Variants in RABGAP1 observed in about 807,000 individuals in gnomAD.
RABGAP1 encodes the protein RAB GTPase activating protein 1, also known as rab GTPase-activating protein 1.
A neutral mutation model predicts 137.6 loss-of-function variants in RABGAP1; 23 were observed. The observed-to-expected ratio is 0.17, with a 90% confidence interval of 0.12 to 0.24. RABGAP1 has a LOEUF of 0.24. Among genes scored for constraint, RABGAP1 ranks in the 10% least tolerant of loss-of-function variants. The pLI, the probability that RABGAP1 is intolerant of heterozygous loss-of-function variation, is 1.00. For missense variants in RABGAP1, 906 were observed against 1,275.8 expected (o/e 0.71, Z 4.42); for synonymous variants, 451 against 450.7 (o/e 1.00, Z -0.01).
intron 11 of RABGAP1, among the ~76,000 whole-genome samples, chr9:123,012,572 A>G (rs979204225): frequency 6.6e-6 from 1 of 152,242 alleles, no homozygotes; most frequent in Non-Finnish European, 1.5e-5. Context: ...TAGGGGGTTC[A>G]GAAGGCCTCT....
At chr9:123,098,205 G>T (rs2035240125) in intron 22 of RABGAP1, among the ~76,000 whole-genome samples, 1 of 152,216 alleles carries the variant, frequency 6.6e-6, no homozygotes, top group Non-Finnish European at 1.5e-5. Context: ...GGGAAGTCTT[G>T]TTCTGAGCCA....
upstream of RABGAP1, chr9:122,940,335 G>A (rs1564342726): frequency 6.6e-6 from 1 of 152,176 alleles, no homozygotes; most frequent in Admixed American, 6.5e-5. Flanking sequence ...ACAATCTGAT[G>A]TAACCTTGTC....
intron 1 of RABGAP1, among the ~76,000 whole-genome samples, chr9:122,941,786 G>C (rs550415875): frequency 1.3e-5 from 2 of 152,362 alleles, no homozygotes; most frequent in African/African-American, 4.8e-5. Context: ...CCAGGAGTTC[G>C]CTGTCCATTG....
intron 19 of RABGAP1, among the ~76,000 whole-genome samples, chr9:123,082,227 T>G (rs192681304): frequency 6.6e-6 from 1 of 152,110 alleles, no homozygotes; most frequent in African/African-American, 2.4e-5. Flanking sequence ...TCTTGAGGAG[T>G]TTAGATCCCC....
intron 13 of RABGAP1, among the ~76,000 whole-genome samples, chr9:123,050,857 G>T (rs1236365095): frequency 6.6e-6 from 1 of 152,168 alleles, no homozygotes; most frequent in Non-Finnish European, 1.5e-5. Flanking sequence ...AATTTTTTAG[G>T]AGAAACTGTT....
At chr9:122,994,549 C>A (rs1836919175) in intron 6 of RABGAP1, among the ~76,000 whole-genome samples, 1 of 152,078 alleles carries the variant, frequency 6.6e-6, no homozygotes, top group Non-Finnish European at 1.5e-5. Flanking sequence ...CAAAAATGTT[C>A]TTGAATTAGT....
At chr9:122,934,654 C>T in the RABGAP1 span, among the ~76,000 whole-genome samples, 1 of 143,966 alleles carries the variant, frequency 6.9e-6, no homozygotes, top group South Asian at 2.3e-4. Flanking sequence ...AGGTGTGCAA[C>T]ACCACACTTG....
chr9:123,048,933 T>C (rs2033338008), intron 13 of RABGAP1, among the ~76,000 whole-genome samples: 1 of 152,190 alleles, frequency 6.6e-6, no homozygotes, highest in African/African-American at 2.4e-5. Flanking sequence ...ATTGAATAAT[T>C]TTCCTGTGGG....
chr9:123,043,412 T>C (rs2033047497), intron 13 of RABGAP1, among the ~76,000 whole-genome samples: 1 of 152,040 alleles, frequency 6.6e-6, no homozygotes, highest in Non-Finnish European at 1.5e-5. Flanking sequence ...AAGAATTTAG[T>C]TTTGTGAGAT....
At chr9:123,057,136 G>A (rs559533725) in intron 13 of RABGAP1, among the ~76,000 whole-genome samples, 2,351 of 151,004 alleles carry the variant, frequency 0.016, 22 homozygotes, top group South Asian at 0.064. Flanking sequence ...CGGACGGGGC[G>A]GCTGGCCTGG....
intron 21 of RABGAP1, among the ~76,000 whole-genome samples, chr9:123,092,050 A>G (rs1327049926): frequency 6.6e-6 from 1 of 152,174 alleles, no homozygotes; most frequent in Non-Finnish European, 1.5e-5. Context: ...AAAAAGGAAA[A>G]GAAAAAAAAT....
intron 19 of RABGAP1, among the ~76,000 whole-genome samples, chr9:123,087,114 C>T (rs538244763): frequency 7.9e-5 from 12 of 152,322 alleles, no homozygotes; most frequent in Admixed American, 2.0e-4. Flanking sequence ...ACTTATCACA[C>T]ACCAACTCTT....
At position 123,035,245 on chromosome 9, in the gene RABGAP1, G is replaced by A. The variant is rs200361773; in HGVS notation, c.1794+14786G>A. The A allele has an allele frequency of 1.5e-5, 25 of 1,614,152 alleles. No individual in the cohort carries two copies. The South Asian group carries it at 2.3e-4, about 15-fold the overall frequency. ...CCAACAGCACACAAAGGATATCAGC[G>A]AAAGGCAAGCCCGCTTCAGCAGCCA... On this transcript the variant is annotated intron_variant, in intron 13 of 25. Transcript: ENST00000373647.
chr9:123,103,165 G>A lies in RABGAP1; in HGVS notation c.3162G>A (p.Leu1054=). The change falls in exon 26 of 26, where the codon CTG becomes CTA. Residue 1054 remains leucine (L), a synonymous_variant. Coordinates refer to ENST00000373647, the MANE Select transcript of RABGAP1 (RefSeq NM_012197.4). Reference sequence around the variant, plus strand: ...AGAAGACGTGGTTTAACCGAACACTGAGCTCCATAAAGACAGCAACCGGGG... The same window carrying A: ...AGAAGACGTGGTTTAACCGAACACTAAGCTCCATAAAGACAGCAACCGGGG... ...AAKKTWFNRT[L]SSIKTATGVQ... is the part of the protein sequence containing the mutation. 3 of 1,614,126 alleles carry A rather than the reference G, an allele frequency of 1.9e-6. No individual in the cohort carries two copies. The highest frequency in any genetic ancestry group is 2.5e-6 in the Non-Finnish European group (3 of 1,180,006).
At chr9:122,957,732 G>T (rs968902567) in intron 2 of RABGAP1, among the ~76,000 whole-genome samples, 1 of 151,766 alleles carries the variant, frequency 6.6e-6, no homozygotes, top group African/African-American at 2.4e-5. Context: ...TAAAATATAA[G>T]TAGCTTTAAA....
intron 13 of RABGAP1, among the ~76,000 whole-genome samples, chr9:123,048,234 C>CA (rs781728941): frequency 6.6e-6 from 1 of 152,030 alleles, no homozygotes; most frequent in African/African-American, 2.4e-5. Flanking sequence ...CCATCATGCC[C>CA]AATCAACTGC....
chr9:122,970,455 TG>T (rs1274071132), intron 2 of RABGAP1, among the ~76,000 whole-genome samples: 10 of 152,154 alleles, frequency 6.6e-5, no homozygotes, highest in East Asian at 3.9e-4. Context: ...AAAAAAGAAA[TG>T]TTTTTTTAAA....
intron 21 of RABGAP1, among the ~76,000 whole-genome samples, chr9:123,093,028 C>A (rs2035075082): frequency 6.6e-6 from 1 of 152,196 alleles, no homozygotes; most frequent in Non-Finnish European, 1.5e-5. Context: ...TCTGAATCAT[C>A]ACTGAAAATC....
intron 13 of RABGAP1, among the ~76,000 whole-genome samples, chr9:123,024,908 T>A (rs745396582): frequency 3.2e-4 from 48 of 152,362 alleles, no homozygotes; most frequent in Non-Finnish European, 5.6e-4. Flanking sequence ...TAAATATATT[T>A]TTTAATGATT....
Sources: allele counts gnomAD v4.1 joint callset (sites outside exome capture counted in the v4.1 genomes callset), GRCh38; gene constraint gnomAD v4.1.1; transcripts MANE v1.5; gene names NCBI Gene and HGNC (gene_info 2026-07-23, HGNC 2026-07-21).